TMEM132B: variants seen among roughly 807,000 people sequenced by gnomAD.
The protein encoded by TMEM132B is transmembrane protein 132B.
A neutral mutation model predicts 90.8 loss-of-function variants in TMEM132B; 18 were observed. The observed-to-expected ratio is 0.20, with a 90% CI of 0.14 to 0.29. The LOEUF (loss-of-function observed/expected upper bound fraction) is 0.29. TMEM132B is among the 10% of genes least tolerant of loss of function. The pLI is 1.00. For synonymous variants in TMEM132B, 504 were observed against 523.3 expected (o/e 0.96, Z 0.50); for missense variants, 1,096 against 1,326.8 (o/e 0.83, Z 2.70).
rs191956025 is a variant in TMEM132B, at chr12:125,412,277, T to C, written c.960-3254T>C. Among the ~76,000 whole-genome samples, 9 of 152,236 alleles carry C rather than the reference T, an allele frequency of 5.9e-5. No individual in the cohort carries two copies. In the East Asian group the frequency reaches 7.7e-4, roughly 13 times the overall value. ...GTCAGAATAAAAGAAGGAACAAAAA[T>C]CTCACAGAAGAACCCTCCGTGGGTA... On this transcript the variant is annotated intron_variant, in intron 2 of 8. Coordinates refer to ENST00000682704, the MANE Select transcript of TMEM132B (RefSeq NM_001366854.1).
At chr12:125,506,718 C>T (rs1355280193) in intron 3 of TMEM132B, among the ~76,000 whole-genome samples, 2 of 152,212 alleles carry the variant, frequency 1.3e-5, no homozygotes, top group African/African-American at 4.8e-5. Context: ...TCATCTCTGA[C>T]ATCAACATGA....
intron 1 of TMEM132B, among the ~76,000 whole-genome samples, chr12:125,211,645 A>G (rs1873321418): frequency 6.6e-6 from 1 of 152,240 alleles, no homozygotes. Flanking sequence ...AGAAGGCAGC[A>G]TGCACATTGC....
At position 125,621,247 on chromosome 12, in the gene TMEM132B, T is replaced by C. The variant is rs1197707617; in HGVS notation, c.1438-22829T>C. 3.3e-5 allele frequency among the ~76,000 whole-genome samples: 5 copies of C among 152,012 alleles called. No homozygotes were observed. The South Asian group carries it at 8.3e-4, about 25-fold the overall frequency. ...ACTATTGGAGAGACGGGGAAGACTT[T>C]ATGGAGAAGGTGATGTTTGAGCCGT... On this transcript the variant is annotated intron_variant, in intron 5 of 8. Transcript: ENST00000682704.
chr12:125,332,461 C>CAATT (rs1310173023), intron 1 of TMEM132B, among the ~76,000 whole-genome samples: 1 of 152,038 alleles, frequency 6.6e-6, no homozygotes, highest in African/African-American at 2.4e-5. Context: ...CATCTTCTCT[C>CAATT]AATTAAGCGC....
At chr12:125,647,209 A>C (rs1377948620) in intron 6 of TMEM132B, among the ~76,000 whole-genome samples, 1 of 152,202 alleles carries the variant, frequency 6.6e-6, no homozygotes, top group Non-Finnish European at 1.5e-5. Context: ...AGCATCAGGG[A>C]CTTGTGGGAC....
chr12:125,650,200 C>T (rs774363028), intron 6 of TMEM132B, among the ~76,000 whole-genome samples: 1 of 152,036 alleles, frequency 6.6e-6, no homozygotes, highest in Non-Finnish European at 1.5e-5. Context: ...TCTTGACCTA[C>T]TTGGTCCTCA....
intron 1 of TMEM132B, among the ~76,000 whole-genome samples, chr12:125,210,266 G>A (rs926015754): frequency 1.3e-5 from 2 of 152,154 alleles, no homozygotes. Flanking sequence ...ACTTAAAGGG[G>A]CAAATTGCAG....
At position 125,246,455 on chromosome 12, in the gene TMEM132B, GA is replaced by G. The variant is rs1358222380; in HGVS notation, c.67+59590del. Among the ~76,000 whole-genome samples, 1 of 152,240 alleles carries G rather than the reference GA, an allele frequency of 6.6e-6. No individual in the cohort carries two copies. The highest frequency in any genetic ancestry group is 1.5e-5 in the Non-Finnish European group (1 of 68,046). On this transcript the variant is annotated intron_variant, in intron 1 of 8. Transcript: ENST00000682704. This position sits in a 1 kb window ranked among gnomAD's most constrained non-coding sequence, Gnocchi z 4.2. ...TTTATTAACATGCTGTCCCCACTCA[GA>G]TGCCTTGTTTCGAAACAGCGTGCCG... is the stretch of plus-strand genomic sequence containing the variant.
At chr12:125,522,799 C>T (rs1466632770) in intron 4 of TMEM132B, among the ~76,000 whole-genome samples, 3 of 152,182 alleles carry the variant, frequency 2.0e-5, no homozygotes, top group Admixed American at 2.0e-4. Context: ...GAAAGTCAAC[C>T]CTTTCCTCCC....
chr12:125,247,533 C>T (rs941058803), intron 1 of TMEM132B, among the ~76,000 whole-genome samples: 2 of 152,162 alleles, frequency 1.3e-5, no homozygotes, highest in Non-Finnish European at 2.9e-5. Context: ...TCCATCCCAG[C>T]GATCATATTT....
intron 5 of TMEM132B, among the ~76,000 whole-genome samples, chr12:125,623,720 T>C (rs1452966072): frequency 1.3e-5 from 2 of 152,290 alleles, no homozygotes; most frequent in South Asian, 2.1e-4. Context: ...GATGAGTCAG[T>C]CTCCTTCACT....
chr12:125,256,177 G>A (rs1475489250), intron 1 of TMEM132B, among the ~76,000 whole-genome samples: 3 of 152,168 alleles, frequency 2.0e-5, no homozygotes, highest in South Asian at 4.1e-4. Flanking sequence ...TCAGGAATCC[G>A]CTGCACTTTC....
At chr12:125,493,188 C>T (rs1882402001) in intron 3 of TMEM132B, among the ~76,000 whole-genome samples, 1 of 152,218 alleles carries the variant, frequency 6.6e-6, no homozygotes, top group Middle Eastern at 3.2e-3. Context: ...CATGGCCAGA[C>T]TGCTGGGAGC....
Position 125,358,882 on chromosome 12 carries a change from T to A in TMEM132B, c.959+8539T>A, listed in dbSNP as rs534754862. On this transcript the variant is annotated intron_variant, in intron 2 of 8. Coordinates refer to ENST00000682704, the MANE Select transcript of TMEM132B (RefSeq NM_001366854.1). ...TATAACTTTTGGCATCCATTGACGA[T>A]TCTTGTCTCAAATGCAGTAATTTCT... 2.0e-5 allele frequency among the ~76,000 whole-genome samples: 3 copies of A among 152,362 alleles called. No homozygotes were observed. The South Asian group carries it at 6.2e-4, about 32-fold the overall frequency.
At chr12:125,409,115 C>G (rs1879606971) in intron 2 of TMEM132B, among the ~76,000 whole-genome samples, 1 of 152,168 alleles carries the variant, frequency 6.6e-6, no homozygotes, top group Admixed American at 6.5e-5. Context: ...GTACTCTCCT[C>G]AGTTTGTGTA....
intron 5 of TMEM132B, among the ~76,000 whole-genome samples, chr12:125,630,685 T>C (rs1330985635): frequency 1.3e-5 from 2 of 152,058 alleles, no homozygotes; most frequent in Non-Finnish European, 2.9e-5. Flanking sequence ...GATTATTTTG[T>C]CACCCAGGTA....
At chr12:125,334,387 C>T (rs533566518) in intron 1 of TMEM132B, among the ~76,000 whole-genome samples, 4 of 95,688 alleles carry the variant, frequency 4.2e-5, no homozygotes, top group African/African-American at 6.7e-5. Flanking sequence ...TCCTGGTGGG[C>T]GAGGAAGGGG....
intron 3 of TMEM132B, among the ~76,000 whole-genome samples, chr12:125,503,191 G>A (rs1367705511): frequency 6.6e-6 from 1 of 152,158 alleles, no homozygotes; most frequent in Non-Finnish European, 1.5e-5. Flanking sequence ...TTTACTCTTC[G>A]CTTAGTTGTG....
At chr12:125,195,261 A>G (rs901913685) in intron 1 of TMEM132B, among the ~76,000 whole-genome samples, 1 of 152,140 alleles carries the variant, frequency 6.6e-6, no homozygotes, top group Non-Finnish European at 1.5e-5. Flanking sequence ...CTTTGTGGTT[A>G]GCATTAAGGT....
Sources: gnomAD v4.1 joint callset for allele counts (sites outside exome capture counted in the v4.1 genomes callset) on GRCh38, gnomAD v4.1.1 for gene constraint, Gnocchi (gnomAD v3.1) non-coding constraint, MANE v1.5 for transcripts, NCBI Gene and HGNC (gene_info 2026-07-23, HGNC 2026-07-21) for gene names.